GARIN1A: variants seen among roughly 807,000 people sequenced by gnomAD.
GARIN1A encodes Golgi-associated RAB2 interactor protein 1A.
chr7:128,677,105 C>T, the GARIN1A span, among the ~76,000 whole-genome samples: 1 of 151,832 alleles, frequency 6.6e-6, no homozygotes, highest in Non-Finnish European at 1.5e-5. Context: ...TTAGTAATCA[C>T]CCCCACTTTC....
At chr7:128,706,385 C>T in the GARIN1A span, among the ~76,000 whole-genome samples, 1 of 152,084 alleles carries the variant, frequency 6.6e-6, no homozygotes, top group Non-Finnish European at 1.5e-5. Flanking sequence ...TGCTTGTAGG[C>T]CCTCTCAATG....
chr7:128,703,463 C>T, the GARIN1A span, among the ~76,000 whole-genome samples: 2 of 152,254 alleles, frequency 1.3e-5, no homozygotes, highest in Middle Eastern at 3.4e-3. Flanking sequence ...AAACAGTTTG[C>T]GCCCAGCTGA....
At chr7:128,681,714 G>T in the GARIN1A span, among the ~76,000 whole-genome samples, 2 of 151,928 alleles carry the variant, frequency 1.3e-5, no homozygotes, top group African/African-American at 4.8e-5. Context: ...TGTTGCCCAG[G>T]CTGGTCTCAA....
the GARIN1A span, among the ~76,000 whole-genome samples, chr7:128,704,012 C>G: frequency 6.6e-6 from 1 of 152,094 alleles, no homozygotes; most frequent in Non-Finnish European, 1.5e-5. Flanking sequence ...GTCAGGGGAA[C>G]CCAGGTTGGA....
At chr7:128,685,145 C>G in the GARIN1A span, 2 of 152,204 alleles carry the variant, frequency 1.3e-5, no homozygotes, top group Admixed American at 6.6e-5. Context: ...AGGTTATCCA[C>G]CCTCCTCGGC....
At chr7:128,672,527 G>A in the GARIN1A span, 2 of 1,609,594 alleles carry the variant, frequency 1.2e-6, no homozygotes, top group Non-Finnish European at 1.7e-6. Context: ...CAACTCGGTG[G>A]TGTTTGAAAG....
the GARIN1A span, among the ~76,000 whole-genome samples, chr7:128,690,097 A>G: frequency 1.3e-5 from 2 of 152,360 alleles, no homozygotes; most frequent in East Asian, 1.9e-4. Context: ...CTGTTGATCT[A>G]TGACCTTACC....
the GARIN1A span, among the ~76,000 whole-genome samples, chr7:128,699,260 G>GGCCCCC: frequency 9.5e-6 from 1 of 105,016 alleles, no homozygotes; most frequent in Non-Finnish European, 2.0e-5. Flanking sequence ...CATACCTGCT[G>GGCCCCC]CCCCCCCCCC....
the GARIN1A span, chr7:128,672,409 C>G: frequency 0.14 from 219,174 of 1,606,372 alleles, 15,690 homozygotes; most frequent in East Asian, 0.17. Context: ...TGAGTAAAAT[C>G]AGGGGCCTCC....
chr7:128,675,752 C>A, the GARIN1A span: 1 of 1,613,860 alleles, frequency 6.2e-7, no homozygotes, highest in African/African-American at 1.3e-5. Flanking sequence ...CCTCGGTGCC[C>A]TCCCTGCCAC....
the GARIN1A span, chr7:128,677,485 C>G: frequency 7.3e-7 from 1 of 1,371,292 alleles, no homozygotes; most frequent in Non-Finnish European, 9.4e-7. Flanking sequence ...CTAGCCTCGG[C>G]GGCAGCGAGA....
At chr7:128,672,442 C>T in the GARIN1A span, 1 of 1,608,978 alleles carries the variant, frequency 6.2e-7, no homozygotes. Flanking sequence ...GGGAACCAGG[C>T]CCTGGAGTGG....
the GARIN1A span, chr7:128,677,761 A>G: frequency 1.7e-5 from 28 of 1,613,742 alleles, no homozygotes; most frequent in Non-Finnish European, 2.0e-5. Context: ...CCGAGAATCA[A>G]ATTCACTCAC....
the GARIN1A span, among the ~76,000 whole-genome samples, chr7:128,693,287 T>A: frequency 2.0e-5 from 3 of 152,354 alleles, no homozygotes; most frequent in Non-Finnish European, 2.9e-5. Context: ...CTAAGTTGCT[T>A]TTATAATCTT....
the GARIN1A span, among the ~76,000 whole-genome samples, chr7:128,676,019 C>CT: frequency 0.16 from 19,476 of 121,542 alleles, 1,771 homozygotes; most frequent in African/African-American, 0.25. Context: ...TATTTAGTAT[C>CT]TTTTTTTTTT....
the GARIN1A span, among the ~76,000 whole-genome samples, chr7:128,678,298 G>A: frequency 0.055 from 8,380 of 152,096 alleles, 279 homozygotes; most frequent in Middle Eastern, 0.11. Flanking sequence ...TGGGATTGCA[G>A]GTGTGAACCT....
the GARIN1A span, chr7:128,679,896 C>A: frequency 1.9e-6 from 1 of 514,068 alleles, no homozygotes; most frequent in Non-Finnish European, 3.4e-6. Context: ...GGACTTAATG[C>A]TGAAGGAACA....
chr7:128,688,833 G>C, the GARIN1A span, among the ~76,000 whole-genome samples: 9 of 122,182 alleles, frequency 7.4e-5, no homozygotes, highest in East Asian at 1.0e-3. Flanking sequence ...TCTTTCCACC[G>C]TCTCCCTCTG....
At chr7:128,683,249 G>C in the GARIN1A span, 1 of 1,003,878 alleles carries the variant, frequency 1.0e-6, no homozygotes, top group Non-Finnish European at 1.4e-6. Flanking sequence ...AAGTGACCTT[G>C]GGAGAGGTAA....
Sources: gnomAD v4.1 joint callset for allele counts (sites outside exome capture counted in the v4.1 genomes callset) on GRCh38, gnomAD v4.1.1 for gene constraint, MANE v1.5 for transcripts, NCBI Gene and HGNC (gene_info 2026-07-23, HGNC 2026-07-21) for gene names.